SZT2: variants seen among roughly 807,000 people sequenced by gnomAD.
SZT2 encodes the protein SZT2 subunit of KICSTOR complex.
Under a neutral mutation model 404.2 loss-of-function variants are expected in SZT2, and 216 were observed. The ratio of observed to expected loss-of-function variants is 0.53; its 90% CI spans 0.48 to 0.60. The LOEUF (loss-of-function observed/expected upper bound fraction) is 0.60. Ranked by LOEUF, SZT2 falls within the 20% of genes least tolerant of loss-of-function variation. SZT2 has a pLI of 0.00. For synonymous variants in SZT2, 1,693 were observed against 1,749.9 expected (o/e 0.97, Z 0.81); for missense variants, 3,857 against 4,459.2 (o/e 0.86, Z 3.85).
intron 3 of SZT2, chr1:43,404,072 T>A: frequency 1.9e-6 from 1 of 518,454 alleles, no homozygotes; most frequent in Non-Finnish European, 3.5e-6. Flanking sequence ...TAGCCAGGCA[T>A]GCTGGCATGC....
chr1:43,397,820 C>T (rs921550170), intron 1 of SZT2, among the ~76,000 whole-genome samples: 1 of 152,182 alleles, frequency 6.6e-6, no homozygotes, highest in South Asian at 2.1e-4. Flanking sequence ...TGAGCCACTA[C>T]GCCCGGCCCC....
chr1:43,451,579 C>T lies in SZT2; in HGVS notation c.*1099C>T. On this transcript the variant is annotated 3_prime_UTR_variant, in exon 72 of 72. Coordinates refer to ENST00000634258, the MANE Select transcript of SZT2 (RefSeq NM_001365999.1). ...GATGTGGACAAATGTGGGGTCCAGG[C>T]TCCTGCCAGGGCCTGAAGGACAGAT... The T allele has an allele frequency of 3.7e-6, 6 of 1,613,442 alleles. No homozygotes were observed. The highest frequency in any genetic ancestry group is 1.7e-5 in the Admixed American group (1 of 60,006).
At position 43,422,519 on chromosome 1, in the gene SZT2, G is replaced by A. The variant is rs773246841; in HGVS notation, c.1809G>A (p.Gly603=). 1.1e-5 allele frequency: 18 copies of A among 1,597,072 alleles called. No individual in the cohort carries two copies. The highest frequency in any genetic ancestry group is 1.4e-5 in the Non-Finnish European group (17 of 1,179,134). ...PKHLHTPGSN[G]RYSTIQCRIS... Reference sequence around the variant, plus strand: ...ACTTGCACACCCCGGGCAGCAATGGGCGCTACAGCACTATCCAGTGCAGGA... The same window carrying A: ...ACTTGCACACCCCGGGCAGCAATGGACGCTACAGCACTATCCAGTGCAGGA... The change falls in exon 13 of 72, where the codon GGG becomes GGA. Residue 603 remains glycine, a synonymous_variant. Transcript: ENST00000634258.
At chr1:43,432,464 G>T (rs759143253) in intron 37 of SZT2, 25 bp downstream of exon 37, 13 of 1,564,802 alleles carry the variant, frequency 8.3e-6, no homozygotes, top group Non-Finnish European at 8.6e-6. Context: ...GGAATGGAGG[G>T]GGGTGGTGGG....
intron 62 of SZT2, chr1:43,445,630 C>G (rs1655573945): frequency 7.3e-6 from 4 of 549,064 alleles, no homozygotes; most frequent in Non-Finnish European, 9.9e-6. Context: ...CAGCACACAC[C>G]CTCTCAGTAG....
Position 43,451,845 on chromosome 1 carries a change from C to T in SZT2, c.*1365C>T, listed in dbSNP as rs370026446. ...CTTCCTACCTTCTGTAAGATGGCTGCCGCTGTAAGAGAAGCCAGGGAGGGG... is the reference window on the plus strand; with the variant it reads ...CTTCCTACCTTCTGTAAGATGGCTGTCGCTGTAAGAGAAGCCAGGGAGGGG... On this transcript the variant is annotated 3_prime_UTR_variant, in exon 72 of 72. Coordinates refer to ENST00000634258, the MANE Select transcript of SZT2 (RefSeq NM_001365999.1). The T allele has an allele frequency of 8.5e-5, 137 of 1,613,954 alleles. No homozygotes were observed. The highest frequency in any genetic ancestry group is 1.1e-4 in the Non-Finnish European group (133 of 1,179,988).
chr1:43,404,576 T>C (rs780787955), intron 4 of SZT2, 26 bp downstream of exon 4: 1 of 1,601,740 alleles, frequency 6.2e-7, no homozygotes, highest in South Asian at 1.1e-5. Context: ...TCCAAGTTTG[T>C]ACCCTCAGAC....
chr1:43,447,109 G>A lies in SZT2; in HGVS notation c.9227G>A (p.Arg3076Gln), dbSNP rs201132575. ...GGCTACCACCTCACCACCTTTCTGC[G>A]ACACTTCCTGGCCCACCACCCTGAC... ...RHGYHLTTFL[R>Q]HFLAHHPDGP... Residue 3076 changes from arginine to glutamine, a missense_variant, in exon 66 of 72, where the codon CGA becomes CAA. Transcript: ENST00000634258. 34 of 1,613,776 alleles carry A rather than the reference G, an allele frequency of 2.1e-5. No homozygotes were observed. In the East Asian group the frequency reaches 2.7e-4, roughly 13 times the overall value.
intron 14 of SZT2, 66 bp from the exon 15 acceptor site, chr1:43,423,033 G>A (rs1652605351): frequency 1.2e-5 from 19 of 1,525,552 alleles, no homozygotes; most frequent in Non-Finnish European, 1.7e-5. Flanking sequence ...CACTTTGTCT[G>A]TGAGCCCCTT....
chr1:43,404,891 G>C (rs892000379), intron 4 of SZT2: 8 of 199,316 alleles, frequency 4.0e-5, no homozygotes, highest in Admixed American at 1.2e-4. Context: ...CTGATGCGCT[G>C]GCTCTGGCTA....
intron 52 of SZT2, 130 bp downstream of exon 52, chr1:43,440,716 C>T: frequency 8.0e-7 from 1 of 1,246,708 alleles, no homozygotes; most frequent in Non-Finnish European, 1.1e-6. Context: ...CTGCTCTGTC[C>T]TGCCAGACAC....
In SZT2 at chr1:43,453,029, A is replaced by G. The variant is rs1377354988; in HGVS notation, c.*2549A>G. 1.4e-6 allele frequency: 2 copies of G among 1,390,404 alleles called. No homozygotes were observed. Among genetic ancestry groups the G allele is most frequent in the Non-Finnish European group, 2.0e-6 (2 of 987,368 alleles). The allele number at this position is 1,390,404 out of a possible 1,614,324, so 86.1% of individuals were successfully genotyped here. ...CCTTGAAGACAGTCCAAGCATCACT[A>G]CCTGTAAGCAGCTTTCTCTGATCCA... On this transcript the variant is annotated 3_prime_UTR_variant, in exon 72 of 72. Coordinates refer to ENST00000634258, the MANE Select transcript of SZT2 (RefSeq NM_001365999.1).
At chr1:43,446,501 G>A in intron 65 of SZT2, 85 bp downstream of exon 65, 2 of 1,532,020 alleles carry the variant, frequency 1.3e-6, no homozygotes, top group Non-Finnish European at 1.8e-6. Flanking sequence ...CTGGGCAGTA[G>A]AGTAATGCAG....
chr1:43,452,700 T>C lies in SZT2; in HGVS notation c.*2220T>C. ...CTCTCCTCGCATCTACTTAGCCTTT[T>C]CCCATCTGTTTTCTGCCCCCACCAT... On this transcript the variant is annotated 3_prime_UTR_variant, in exon 72 of 72. Transcript: ENST00000634258. The C allele has an allele frequency of 4.9e-6, 3 of 614,110 alleles. No individual in the cohort carries two copies. The South Asian group carries it at 5.8e-5, about 12-fold the overall frequency. The allele number at this position is 614,110 out of a possible 1,614,324, so 38.0% of individuals were successfully genotyped here. A position where few individuals can be genotyped will look rare whatever the true frequency, so the allele number is the denominator to read the frequency against.
chr1:43,441,711 TGCCCACATG>T lies in SZT2; in HGVS notation c.7637_7645del (p.Ala2546_Met2548del). On this transcript the variant is annotated inframe_deletion, in exon 55 of 72. Transcript: ENST00000634258. This position sits in a 1 kb window ranked among gnomAD's most constrained non-coding sequence, Gnocchi z 4.8. Reference sequence around the variant, plus strand: ...GTTGTGCCTCAGTGTCCAGAAGCTCTGCCCACATGGTGTCCCGGTTCCTCCTTCCATCCA... The same window carrying T: ...GTTGTGCCTCAGTGTCCAGAAGCTCTGTGTCCCGGTTCCTCCTTCCATCCA... 1 of 1,614,226 alleles carries T rather than the reference TGCCCACATG, an allele frequency of 6.2e-7. No homozygotes were observed. Among genetic ancestry groups the T allele is most frequent in the Non-Finnish European group, 8.5e-7 (1 of 1,180,042 alleles).
In SZT2 at chr1:43,427,754, A is replaced by G. The variant is rs1653352243; in HGVS notation, c.3803+20A>G. ...CTTCCGGTGAGTGCCTTCAGTGTTG[A>G]CCTAAGTCCTCGCCGGGCCATGGCT... is the stretch of plus-strand genomic sequence containing the variant. On this transcript the variant is annotated intron_variant, in intron 26 of 71. Coordinates refer to ENST00000634258, the MANE Select transcript of SZT2 (RefSeq NM_001365999.1). 1 of 1,610,850 alleles carries G rather than the reference A, an allele frequency of 6.2e-7. No individual in the cohort carries two copies. Among genetic ancestry groups the G allele is most frequent in the African/African-American group, 1.3e-5 (1 of 74,766 alleles).
chr1:43,392,083 C>CAAAAAA (rs57476239), intron 1 of SZT2, among the ~76,000 whole-genome samples: 2 of 3,378 alleles, frequency 5.9e-4, no homozygotes, highest in Non-Finnish European at 9.7e-4. Context: ...GACTCCGTCT[C>CAAAAAA]AAAAAAAAAA....
chr1:43,440,425 G>GGGT (rs1654936727), intron 51 of SZT2, 28 bp from the exon 52 acceptor site: 4 of 1,552,018 alleles, frequency 2.6e-6, no homozygotes, highest in Non-Finnish European at 2.6e-6. Flanking sequence ...GATCAGTGAT[G>GGGT]GGTGTCTGTA....
At chr1:43,409,132 C>A (rs1445704551) in intron 4 of SZT2, among the ~76,000 whole-genome samples, 2 of 152,228 alleles carry the variant, frequency 1.3e-5, no homozygotes, top group African/African-American at 4.8e-5. Flanking sequence ...AGATTAGCTA[C>A]AGGGAAAAAG....
Sources: gnomAD v4.1 joint callset for allele counts (sites outside exome capture counted in the v4.1 genomes callset) on GRCh38, gnomAD v4.1.1 for gene constraint, Gnocchi (gnomAD v3.1) non-coding constraint, MANE v1.5 for transcripts, NCBI Gene and HGNC (gene_info 2026-07-23, HGNC 2026-07-21) for gene names.